The following DAG1 variants were observed in gnomAD, a reference collection of about 807,000 sequenced individuals.
DAG1 encodes dystroglycan 1, also known as dystroglycan 1 (dystrophin-associated glycoprotein 1).
In DAG1, 8 loss-of-function variants were observed where a neutral mutation model predicts 46.1. The ratio of observed to expected loss-of-function variants is 0.17; its 90% CI spans 0.10 to 0.31. The LOEUF is 0.31. DAG1 is among the 10% of genes least tolerant of loss of function. The probability of loss-of-function intolerance (pLI) is 1.00; values close to 1 mark genes in which losing one functional copy is unlikely to be tolerated. For synonymous variants in DAG1, 495 were observed against 481.8 expected (o/e 1.03, Z -0.36); for missense variants, 1,003 against 1,189.9 (o/e 0.84, Z 2.31).
Position 49,512,504 on chromosome 3 carries a change from G to GC in DAG1, c.285+1687dup, listed in dbSNP as rs527902821. 2.9e-3 allele frequency among the ~76,000 whole-genome samples: 430 copies of GC among 150,714 alleles called. 1 individual carries two copies. Among genetic ancestry groups the GC allele is most frequent in the African/African-American group, 0.01 (417 of 41,134 alleles). On this transcript the variant is annotated intron_variant, in intron 2 of 2. Coordinates refer to ENST00000308775, the MANE Select transcript of DAG1 (RefSeq NM_004393.6). ...TCTCCCAGATTCAAGTGATTCTCCT[G>GC]CCTCAGCCTCCCAAGTAGCTGGGAT...
Position 49,532,010 on chromosome 3 carries a change from A to G in DAG1, c.1499A>G (p.Lys500Arg), listed in dbSNP as rs2051364762. ...GAACCCAACCAGCGCCCAGAGCTCA[A>G]GAACCATATTGACAGGGTAGATGCC... ...GGEPNQRPEL[K>R]NHIDRVDAWV... is the part of the protein sequence containing the mutation. Residue 500 changes from lysine to arginine, a missense_variant, in exon 3 of 3, where the codon AAG (lysine) becomes AGG (arginine). Lys to Arg is a conservative substitution (Grantham distance 26). This residue lies in a region of DAG1 where 755 missense variants were observed against 854.1 expected (regional missense o/e 0.88). Coordinates refer to ENST00000308775, the MANE Select transcript of DAG1 (RefSeq NM_004393.6). This position sits in a 1 kb window ranked among gnomAD's most constrained non-coding sequence, Gnocchi z 5.4. 6.2e-7 allele frequency: 1 copy of G among 1,614,206 alleles called. No homozygotes were observed.
Position 49,480,221 on chromosome 3 carries a change from G to C in DAG1, c.-117+9788G>C, listed in dbSNP as rs184541045. Reference sequence around the variant, plus strand: ...CCTGCCTTGGCCCCCCAAAGTGCTGGGATTACAGGCGTGAGCCACTGTGCC... The same window carrying C: ...CCTGCCTTGGCCCCCCAAAGTGCTGCGATTACAGGCGTGAGCCACTGTGCC... On this transcript the variant is annotated intron_variant, in intron 1 of 2. Transcript: ENST00000308775. 2.4e-4 allele frequency among the ~76,000 whole-genome samples: 36 copies of C among 151,116 alleles called. No individual in the cohort carries two copies. The East Asian group carries it at 6.0e-3, about 25-fold the overall frequency.
intron 2 of DAG1, among the ~76,000 whole-genome samples, chr3:49,530,042 C>A (rs962471627): frequency 6.6e-6 from 1 of 152,156 alleles, no homozygotes; most frequent in Non-Finnish European, 1.5e-5. Flanking sequence ...GACTGTAGAA[C>A]CTCTCTCTTT....
intron 2 of DAG1, among the ~76,000 whole-genome samples, chr3:49,520,926 G>A (rs1414390028): frequency 6.6e-6 from 1 of 151,988 alleles, no homozygotes; most frequent in Non-Finnish European, 1.5e-5. Context: ...TGTTTTCTTG[G>A]TTTCATAAGC....
intron 2 of DAG1, among the ~76,000 whole-genome samples, chr3:49,513,196 G>A (rs903981707): frequency 2.0e-5 from 3 of 152,076 alleles, no homozygotes; most frequent in Non-Finnish European, 4.4e-5. Flanking sequence ...GCTCATTCAT[G>A]GCTGGCAAGT....
At chr3:49,508,469 G>A (rs534757612) in intron 1 of DAG1, among the ~76,000 whole-genome samples, 99 of 152,174 alleles carry the variant, frequency 6.5e-4, no homozygotes, top group Non-Finnish European at 1.0e-3. Context: ...TGCAGTCTCC[G>A]CTCACTGCAA....
intron 1 of DAG1, among the ~76,000 whole-genome samples, chr3:49,494,657 C>T (rs1329644987): frequency 1.3e-5 from 2 of 149,616 alleles, no homozygotes; most frequent in Non-Finnish European, 3.0e-5. Context: ...TTTTTGGAGA[C>T]AGAGTCTTGC....
chr3:49,478,298 A>C (rs1291972557), intron 1 of DAG1, among the ~76,000 whole-genome samples: 1 of 150,108 alleles, frequency 6.7e-6, no homozygotes, highest in African/African-American at 2.4e-5. Flanking sequence ...AAGAAAAAAA[A>C]GTGGAAAGAA....
intron 1 of DAG1, among the ~76,000 whole-genome samples, chr3:49,500,889 G>A (rs2050430882): frequency 6.6e-6 from 1 of 152,162 alleles, no homozygotes; most frequent in Non-Finnish European, 1.5e-5. Context: ...CTATCTGAAT[G>A]ACTGAGTGTA....
chr3:49,483,695 A>T (rs981973814), intron 1 of DAG1, among the ~76,000 whole-genome samples: 10 of 151,990 alleles, frequency 6.6e-5, no homozygotes, highest in African/African-American at 2.4e-4. Flanking sequence ...GTTTTTTGAG[A>T]GGCAGGGTCT....
intron 1 of DAG1, among the ~76,000 whole-genome samples, chr3:49,482,630 A>G (rs1462166479): frequency 6.6e-6 from 1 of 152,210 alleles, no homozygotes; most frequent in Non-Finnish European, 1.5e-5. Context: ...ATTATGACGT[A>G]GATTCTATTG....
chr3:49,531,921 A>T lies in DAG1; in HGVS notation c.1410A>T (p.Arg470Ser). The change falls in exon 3 of 3, where the codon AGA becomes AGT. Residue 470 changes from arginine to serine, a missense_variant. Transcript: ENST00000308775. The surrounding 1 kb of genome is among the most constrained non-coding windows in gnomAD (Gnocchi z 7.0). ...TCACCACCAAAGTTTCCATCACCAG[A>T]TTGGAAACTGCCTCACCGCCTACTC... ...PRVTTKVSIT[R>S]LETASPPTRI... 3 of 1,614,130 alleles carry T rather than the reference A, an allele frequency of 1.9e-6. No individual in the cohort carries two copies. The highest frequency in any genetic ancestry group is 2.5e-6 in the Non-Finnish European group (3 of 1,180,026).
At chr3:49,508,902 A>G (rs187482107) in intron 1 of DAG1, among the ~76,000 whole-genome samples, 2 of 152,334 alleles carry the variant, frequency 1.3e-5, no homozygotes, top group Non-Finnish European at 2.9e-5. Flanking sequence ...ATATACATGT[A>G]TACATTTTTT....
At chr3:49,514,835 GTA>G (rs1159738261) in intron 2 of DAG1, among the ~76,000 whole-genome samples, 1 of 139,644 alleles carries the variant, frequency 7.2e-6, no homozygotes, top group Non-Finnish European at 1.5e-5. Flanking sequence ...GTGTGTGTGT[GTA>G]CACATACATA....
At chr3:49,495,962 C>A (rs192293027) in intron 1 of DAG1, among the ~76,000 whole-genome samples, 239 of 151,524 alleles carry the variant, frequency 1.6e-3, no homozygotes, top group African/African-American at 4.9e-3. Context: ...AAAAAAAAAA[C>A]CCCAAATGGA....
intron 1 of DAG1, among the ~76,000 whole-genome samples, chr3:49,472,535 T>C (rs11708174): frequency 0.98 from 148,567 of 152,212 alleles, 72,618 homozygotes; most frequent in Middle Eastern, 1. Flanking sequence ...TCGCCGGGCA[T>C]GGTGGCTCCC....
intron 1 of DAG1, among the ~76,000 whole-genome samples, chr3:49,508,843 C>T (rs4855857): frequency 0.98 from 148,713 of 152,346 alleles, 72,697 homozygotes; most frequent in Middle Eastern, 1. Flanking sequence ...GGCCTCAAAG[C>T]ATTTTTCTAA....
At chr3:49,469,852 C>T (rs1387765295), upstream of DAG1, among the ~76,000 whole-genome samples, 3 of 152,212 alleles carry the variant, frequency 2.0e-5, no homozygotes, top group Non-Finnish European at 2.9e-5. Flanking sequence ...AGTTGCTGGG[C>T]CAGTTCGCAG....
In DAG1 at chr3:49,528,275, A is replaced by ATTTTTTTTT. The variant is rs147292984; in HGVS notation, c.286-2503_286-2495dup. Among the ~76,000 whole-genome samples the ATTTTTTTTT allele has an allele frequency of 2.4e-3, 162 of 66,628 alleles. 29 individuals are homozygous for ATTTTTTTTT. The highest frequency in any genetic ancestry group is 6.8e-3 in the African/African-American group (99 of 14,514). 43.7% of individuals were successfully genotyped at this position (66,628 alleles called of 152,430 possible). A position where few individuals can be genotyped will look rare whatever the true frequency, so the allele number is the denominator to read the frequency against. On this transcript the variant is annotated intron_variant, in intron 2 of 2. Transcript: ENST00000308775. Reference sequence around the variant, plus strand: ...CAGCCAAAACATTTGAAATAGTGTGATTTTTTTTTTTTTTTTTTTTTTTTT... The same window carrying ATTTTTTTTT: ...CAGCCAAAACATTTGAAATAGTGTGATTTTTTTTTTTTTTTTTTTTTTTTTTTTTTTTTT...
Sources: allele counts gnomAD v4.1 joint callset (sites outside exome capture counted in the v4.1 genomes callset), GRCh38; gene constraint gnomAD v4.1.1; regional missense constraint gnomAD v4.1.1; non-coding constraint Gnocchi (gnomAD v3.1); transcripts MANE v1.5; gene names NCBI Gene and HGNC (gene_info 2026-07-23, HGNC 2026-07-21).